SKAP1: variants seen among roughly 807,000 people sequenced by gnomAD.
SKAP1 encodes the protein src kinase-associated phosphoprotein 1.
SKAP1 carries 44 observed loss-of-function variants against 58.5 expected under a neutral mutation model. The ratio of observed to expected loss-of-function variants is 0.75; its 90% CI spans 0.59 to 0.97. SKAP1 has a LOEUF of 0.97. Among genes scored for constraint, SKAP1 ranks in the 50% least tolerant of loss-of-function variants. The pLI is 0.00. For synonymous variants in SKAP1, 127 were observed against 149.7 expected (o/e 0.85, Z 1.11); for missense variants, 390 against 435.2 (o/e 0.90, Z 0.92).
intron 4 of SKAP1, among the ~76,000 whole-genome samples, chr17:48,293,795 G>A (rs983235893): frequency 6.6e-6 from 1 of 152,210 alleles, no homozygotes; most frequent in Non-Finnish European, 1.5e-5. Flanking sequence ...TTTGTCGGAT[G>A]AACAGTGAAC....
rs183804390 is a variant in SKAP1 at position 48,196,672 on chromosome 17, G to A, written c.281-7172C>T. The A allele has an allele frequency of 5.0e-4, 76 of 152,236 alleles. 1 individual carries two copies. The highest frequency in any genetic ancestry group is 1.3e-3 in the Admixed American group (20 of 15,296). 9.4% of individuals were successfully genotyped at this position (152,236 alleles called of 1,614,324 possible). On this transcript the variant is annotated intron_variant, in intron 4 of 12. Transcript: ENST00000336915. ...GCCATATTATGTTTTCTGTTTCTGCGTTAGTTCAAAAACATGGAATGCTTC... is the reference window on the plus strand; with the variant it reads ...GCCATATTATGTTTTCTGTTTCTGCATTAGTTCAAAAACATGGAATGCTTC...
intron 2 of SKAP1, among the ~76,000 whole-genome samples, chr17:48,395,676 A>G (rs1263250436): frequency 6.6e-5 from 10 of 152,204 alleles, no homozygotes; most frequent in African/African-American, 2.4e-4. Context: ...TGTTTGTTTC[A>G]ATTATTCAGG....
chr17:48,229,787 G>T (rs930399552), intron 4 of SKAP1, among the ~76,000 whole-genome samples: 1 of 152,048 alleles, frequency 6.6e-6, no homozygotes, highest in Non-Finnish European at 1.5e-5. Context: ...ACAGCAAGAA[G>T]ACATTTTAAC....
chr17:48,284,102 C>T (rs1250211759), intron 4 of SKAP1, among the ~76,000 whole-genome samples: 2 of 152,214 alleles, frequency 1.3e-5, no homozygotes, highest in Admixed American at 1.3e-4. Context: ...CTCCTTCCTG[C>T]TAAATCCCAC....
chr17:48,336,505 A>G (rs1213752428), intron 4 of SKAP1, among the ~76,000 whole-genome samples: 1 of 152,192 alleles, frequency 6.6e-6, no homozygotes, highest in Non-Finnish European at 1.5e-5. Flanking sequence ...AGTCTTTAAT[A>G]CTTTCTAAAG....
chr17:48,438,355 C>T, the SKAP1 span, among the ~76,000 whole-genome samples: 1 of 152,206 alleles, frequency 6.6e-6, no homozygotes, highest in Non-Finnish European at 1.5e-5. Context: ...AAAACTAGCA[C>T]CTGTCAGATG....
chr17:48,181,355 A>T (rs1567808919), intron 8 of SKAP1, among the ~76,000 whole-genome samples: 2 of 152,214 alleles, frequency 1.3e-5, no homozygotes, highest in Non-Finnish European at 2.9e-5. Flanking sequence ...TGAGGTTTAC[A>T]CACTTAGGGG....
At chr17:48,331,231 T>A (rs1381294103) in intron 4 of SKAP1, among the ~76,000 whole-genome samples, 1 of 152,146 alleles carries the variant, frequency 6.6e-6, no homozygotes, top group Non-Finnish European at 1.5e-5. Context: ...AGAATCTTAG[T>A]GAGTTAAGGG....
chr17:48,217,247 A>G (rs1034893402), intron 4 of SKAP1, among the ~76,000 whole-genome samples: 1 of 152,130 alleles, frequency 6.6e-6, no homozygotes, highest in East Asian at 1.9e-4. Context: ...AAGCAAAAAG[A>G]AAAAAGAGTG....
rs2064084222 is a variant in SKAP1 at position 48,162,584 on chromosome 17, G to A, written c.878-15C>T. The A allele has an allele frequency of 6.3e-7, 1 of 1,594,104 alleles. No individual in the cohort carries two copies. The highest frequency in any genetic ancestry group is 8.6e-7 in the Non-Finnish European group (1 of 1,165,348). On this transcript the variant is annotated splice_polypyrimidine_tract_variant and intron_variant, in intron 10 of 12. Coordinates refer to ENST00000336915, the MANE Select transcript of SKAP1 (RefSeq NM_003726.4). ...GGCATAGTCTACTGATCAAAGAGAG[G>A]AGAAATCAAAGTTAAAAGGACTCTA...
chr17:48,292,705 A>T (rs1203611334), intron 4 of SKAP1, among the ~76,000 whole-genome samples: 1 of 152,180 alleles, frequency 6.6e-6, no homozygotes, highest in Non-Finnish European at 1.5e-5. Flanking sequence ...AATTTTGGGC[A>T]TGGGGAGATA....
chr17:48,191,283 A>C (rs1355253309), intron 4 of SKAP1, among the ~76,000 whole-genome samples: 6 of 152,158 alleles, frequency 3.9e-5, no homozygotes, highest in Non-Finnish European at 5.9e-5. Context: ...TTAAGGACAC[A>C]CTCCACATTT....
At chr17:48,423,911 C>T (rs2067824170) in intron 1 of SKAP1, among the ~76,000 whole-genome samples, 1 of 152,112 alleles carries the variant, frequency 6.6e-6, no homozygotes, top group Admixed American at 6.5e-5. Flanking sequence ...CATGAGCCAC[C>T]ACGCCTGGCC....
the SKAP1 span, among the ~76,000 whole-genome samples, chr17:48,439,213 T>C: frequency 6.6e-6 from 1 of 152,252 alleles, no homozygotes. Flanking sequence ...ACACTTCTTA[T>C]TGAGTAATAT....
At chr17:48,363,710 T>C (rs189961019) in intron 3 of SKAP1, 79 bp downstream of exon 3, 471 of 1,256,108 alleles carry the variant, frequency 3.7e-4, no homozygotes, top group Non-Finnish European at 5.1e-4. Flanking sequence ...GTGGAGAAGC[T>C]TGTAGAGAAG....
intron 6 of SKAP1, chr17:48,186,137 T>C (rs189609649): frequency 1.5e-4 from 23 of 152,300 alleles, no homozygotes; most frequent in Admixed American, 3.9e-4. Flanking sequence ...AGAAGTGTCA[T>C]ATTAGTTTGA....
intron 9 of SKAP1, among the ~76,000 whole-genome samples, chr17:48,173,626 T>C (rs2064247493): frequency 6.6e-6 from 1 of 152,214 alleles, no homozygotes; most frequent in Non-Finnish European, 1.5e-5. Flanking sequence ...AACAACTCCA[T>C]CACAAAGACC....
chr17:48,363,915 T>C, intron 2 of SKAP1, 101 bp from the exon 3 acceptor site: 2 of 851,060 alleles, frequency 2.4e-6, no homozygotes, highest in Non-Finnish European at 1.8e-6. Context: ...AAAAGCTTGC[T>C]AAAGTCTATA....
At chr17:48,225,023 G>C (rs1257063895) in intron 4 of SKAP1, among the ~76,000 whole-genome samples, 3 of 152,174 alleles carry the variant, frequency 2.0e-5, no homozygotes, top group African/African-American at 7.2e-5. Context: ...AATAACTATA[G>C]GGGGCAGAAA....
Sources: allele counts gnomAD v4.1 joint callset (sites outside exome capture counted in the v4.1 genomes callset), GRCh38; gene constraint gnomAD v4.1.1; transcripts MANE v1.5; gene names NCBI Gene and HGNC (gene_info 2026-07-23, HGNC 2026-07-21).